The following ST3GAL3 variants were observed in gnomAD, a reference collection of about 807,000 sequenced individuals.
ST3GAL3 encodes the protein CMP-N-acetylneuraminate-beta-1,4-galactoside alpha-2,3-sialyltransferase.
A neutral mutation model predicts 50.1 loss-of-function variants in ST3GAL3; 21 were observed. The observed-to-expected ratio is 0.42, with a 90% confidence interval of 0.30 to 0.60. The LOEUF (loss-of-function observed/expected upper bound fraction) is 0.60, where lower values mean the gene tolerates loss of function less well. Ranked by LOEUF, ST3GAL3 falls within the 20% of genes least tolerant of loss-of-function variation. The pLI is 0.19. For synonymous variants in ST3GAL3, 183 were observed against 190.0 expected (o/e 0.96, Z 0.30); for missense variants, 353 against 489.4 (o/e 0.72, Z 2.63).
At chr1:43,767,824 T>TA (rs71579310) in intron 2 of ST3GAL3, among the ~76,000 whole-genome samples, 96,722 of 144,146 alleles carry the variant, frequency 0.67, 32,391 homozygotes, top group Non-Finnish European at 0.73. Context: ...AAAGTATAAT[T>TA]AAAAAAAAAA....
At position 43,894,806 on chromosome 1, in the gene ST3GAL3, C is replaced by T. The variant is rs537739120; in HGVS notation, c.397+329C>T. Among the ~76,000 whole-genome samples the T allele has an allele frequency of 1.2e-4, 18 of 151,850 alleles. No individual in the cohort carries two copies. The South Asian group carries it at 3.3e-3, about 28-fold the overall frequency. On this transcript the variant is annotated intron_variant, in intron 6 of 11. Transcript: ENST00000347631. ...CACCATGCCTGGCTTATTTTTTCTTCGTATTTTTAGTAGAGACAGGGTTTT... is the reference window on the plus strand; with the variant it reads ...CACCATGCCTGGCTTATTTTTTCTTTGTATTTTTAGTAGAGACAGGGTTTT...
At chr1:43,863,451 A>G (rs955622761) in intron 5 of ST3GAL3, among the ~76,000 whole-genome samples, 1 of 152,220 alleles carries the variant, frequency 6.6e-6, no homozygotes, top group African/African-American at 2.4e-5. Flanking sequence ...ACAAACAGAA[A>G]TGACATCTGA....
chr1:43,764,419 A>G (rs934045652), intron 2 of ST3GAL3, among the ~76,000 whole-genome samples: 1 of 152,186 alleles, frequency 6.6e-6, no homozygotes, highest in African/African-American at 2.4e-5. Flanking sequence ...GCGCAACACA[A>G]TATTGCATCG....
chr1:43,764,652 A>G (rs975831316), intron 2 of ST3GAL3, among the ~76,000 whole-genome samples: 1 of 152,222 alleles, frequency 6.6e-6, no homozygotes, highest in African/African-American at 2.4e-5. Flanking sequence ...AGCCCACCCC[A>G]TGGGGACTAG....
chr1:43,898,405 C>T lies in ST3GAL3; in HGVS notation c.461+107C>T. On this transcript the variant is annotated intron_variant, in intron 7 of 11. Coordinates refer to ENST00000347631, the MANE Select transcript of ST3GAL3 (RefSeq NM_006279.5). ...GACATGGGCAGTTTCTCCAGCACAT[C>T]CACACATGCACATACAGTACACACA... 3 of 1,125,030 alleles carry T rather than the reference C, an allele frequency of 2.7e-6. No individual in the cohort carries two copies. In the Admixed American group the frequency reaches 5.2e-5, roughly 19 times the overall value. The allele number at this position is 1,125,030 out of a possible 1,614,324, so 69.7% of individuals were successfully genotyped here.
At chr1:43,844,905 T>C (rs2065988534) in intron 5 of ST3GAL3, among the ~76,000 whole-genome samples, 1 of 152,206 alleles carries the variant, frequency 6.6e-6, no homozygotes, top group African/African-American at 2.4e-5. Context: ...AGGAGCTTTA[T>C]GTAGGGACCA....
intron 1 of ST3GAL3, among the ~76,000 whole-genome samples, chr1:43,709,929 G>C (rs1663759455): frequency 6.6e-6 from 1 of 151,684 alleles, no homozygotes; most frequent in South Asian, 2.1e-4. Context: ...CTAGCCCATT[G>C]TCGCTTTTCT....
intron 2 of ST3GAL3, among the ~76,000 whole-genome samples, chr1:43,787,444 A>G (rs1013374521): frequency 2.0e-5 from 3 of 152,262 alleles, no homozygotes; most frequent in African/African-American, 7.2e-5. Flanking sequence ...TGAATGGCCA[A>G]ACTGTTTCTG....
intron 5 of ST3GAL3, chr1:43,850,513 C>G: frequency 1.5e-6 from 1 of 652,784 alleles, no homozygotes; most frequent in Non-Finnish European, 2.9e-6. Context: ...TCCAAAAGTC[C>G]AAGAGATGTC....
intron 1 of ST3GAL3, among the ~76,000 whole-genome samples, chr1:43,725,827 T>C (rs1312723703): frequency 6.6e-6 from 1 of 152,044 alleles, no homozygotes; most frequent in Non-Finnish European, 1.5e-5. Context: ...TTGTATTTTT[T>C]GTAGAGACGG....
At chr1:43,840,647 T>TG (rs2065225516) in intron 5 of ST3GAL3, 1 of 152,162 alleles carries the variant, frequency 6.6e-6, no homozygotes, top group African/African-American at 2.4e-5. Context: ...TTGTGGCTTG[T>TG]GGGGCATCAC....
chr1:43,855,542 G>A (rs957879689), intron 5 of ST3GAL3, among the ~76,000 whole-genome samples: 4 of 149,646 alleles, frequency 2.7e-5, no homozygotes, highest in South Asian at 4.3e-4. Flanking sequence ...CCTGGGAGGC[G>A]GAGGTTATAG....
chr1:43,866,998 C>T (rs1302873136), intron 5 of ST3GAL3, among the ~76,000 whole-genome samples: 2 of 152,106 alleles, frequency 1.3e-5, no homozygotes, highest in African/African-American at 4.8e-5. Context: ...GGCATAGTGG[C>T]GCGTGTCTGT....
At chr1:43,821,903 A>G (rs746930307) in intron 4 of ST3GAL3, among the ~76,000 whole-genome samples, 17 of 152,254 alleles carry the variant, frequency 1.1e-4, no homozygotes, top group Non-Finnish European at 2.5e-4. Context: ...ACTAATATGT[A>G]TCAGGCAATA....
Position 43,921,754 on chromosome 1 carries a change from C to T in ST3GAL3, c.1038+826C>T, listed in dbSNP as rs1333386489. 3 of 398,774 alleles carry T rather than the reference C, an allele frequency of 7.5e-6. No homozygotes were observed. The Admixed American group carries it at 1.3e-4, about 18-fold the overall frequency. 24.7% of individuals were successfully genotyped at this position (398,774 alleles called of 1,614,324 possible). Reference sequence around the variant, plus strand: ...GCCTTCCATGCCCCAAAAGCTCCTCCCTCTTCCAGTGAAGAAACTGAAGCC... The same window carrying T: ...GCCTTCCATGCCCCAAAAGCTCCTCTCTCTTCCAGTGAAGAAACTGAAGCC... On this transcript the variant is annotated intron_variant, in intron 11 of 11. Coordinates refer to ENST00000347631, the MANE Select transcript of ST3GAL3 (RefSeq NM_006279.5).
chr1:43,724,382 A>ATTT lies in ST3GAL3; in HGVS notation c.-30-11836_-30-11834dup, dbSNP rs36044239. ...CTCACCACCACACCTGGCTATTTTC[A>ATTT]TTTTTTTTTTTTTTTTTGTAGAGAT... On this transcript the variant is annotated intron_variant, in intron 1 of 11. Transcript: ENST00000347631. 9.5e-3 allele frequency among the ~76,000 whole-genome samples: 1,154 copies of ATTT among 121,174 alleles called. 25 individuals are homozygous for ATTT. The highest frequency in any genetic ancestry group is 0.034 in the African/African-American group (1,125 of 32,966). 79.5% of individuals were successfully genotyped at this position (121,174 alleles called of 152,430 possible). A position where few individuals can be genotyped will look rare whatever the true frequency, so the allele number is the denominator to read the frequency against.
In ST3GAL3 at chr1:43,756,025, C is replaced by T. The variant is rs1173094999; in HGVS notation, c.118+19645C>T. 2.3e-5 allele frequency among the ~76,000 whole-genome samples: 3 copies of T among 132,902 alleles called. No homozygotes were observed. The Admixed American group carries it at 2.6e-4, about 11-fold the overall frequency. The allele number at this position is 132,902 out of a possible 152,430, so 87.2% of individuals were successfully genotyped here. A position where few individuals can be genotyped will look rare whatever the true frequency, so the allele number is the denominator to read the frequency against. ...CTGAGGTGGGAGGATCACTTGAGCC[C>T]AGGATTTTGAGGCTGTAGTGGGCTA... On this transcript the variant is annotated intron_variant, in intron 2 of 11. Transcript: ENST00000347631.
At chr1:43,929,974 A>G (rs1049941588) in intron 11 of ST3GAL3, 158 bp from the exon 12 acceptor site, 1 of 769,364 alleles carries the variant, frequency 1.3e-6, no homozygotes. Context: ...GAGCAGGGTC[A>G]TCATTACCGT....
At chr1:43,817,610 C>CCTCCTCCTCCTTCTCCTTCTT (rs1558438164) in intron 4 of ST3GAL3, among the ~76,000 whole-genome samples, 1 of 118,002 alleles carries the variant, frequency 8.5e-6, no homozygotes, top group Non-Finnish European at 1.8e-5. Context: ...TTCTCCTTCT[C>CCTCCTCCTCCTTCTCCTTCTT]CTCCTTCTCC....
Sources: allele counts gnomAD v4.1 joint callset (sites outside exome capture counted in the v4.1 genomes callset), GRCh38; gene constraint gnomAD v4.1.1; transcripts MANE v1.5; gene names NCBI Gene and HGNC (gene_info 2026-07-23, HGNC 2026-07-21).